The following ALK variants were observed in gnomAD, a reference collection of about 807,000 sequenced individuals.
ALK encodes the protein ALK tyrosine kinase receptor.
Under a neutral mutation model 163.1 loss-of-function variants are expected in ALK, and 74 were observed. That is an observed-to-expected ratio of 0.45 (90% confidence interval 0.38 to 0.55). The LOEUF (loss-of-function observed/expected upper bound fraction) is 0.55, where lower values mean the gene tolerates loss of function less well. Ranked by LOEUF, ALK falls within the 20% of genes least tolerant of loss-of-function variation. The pLI is 0.00. For missense variants in ALK, 2,063 were observed against 2,105.3 expected (o/e 0.98, Z 0.39); for synonymous variants, 960 against 843.2 (o/e 1.14, Z -2.40).
At chr2:29,328,217 G>T (rs1391696206) in intron 6 of ALK, 133 bp downstream of exon 6, 10 of 1,290,666 alleles carry the variant, frequency 7.7e-6, no homozygotes, top group African/African-American at 2.9e-5. Context: ...GTGTGGCTTT[G>T]CCATGAGAGG....
chr2:29,553,014 C>A (rs764168400), intron 3 of ALK, among the ~76,000 whole-genome samples: 165 of 152,290 alleles, frequency 1.1e-3, no homozygotes, highest in Non-Finnish European at 1.5e-3. Flanking sequence ...CCTGTTATTT[C>A]CCTTCTTTAT....
In ALK at chr2:29,383,508, G is replaced by A. The variant is rs1018038935; in HGVS notation, c.1282+224C>T. On this transcript the variant is annotated intron_variant, in intron 5 of 28. Coordinates refer to ENST00000389048, the MANE Select transcript of ALK (RefSeq NM_004304.5). ...ATTTTTGTAATTTTAGTAGAGACAG[G>A]GTTTTGCCATGTTGGCCAGGCTGGT... Among the ~76,000 whole-genome samples, 6 of 152,072 alleles carry A rather than the reference G, an allele frequency of 3.9e-5. No individual in the cohort carries two copies. The South Asian group carries it at 6.2e-4, about 16-fold the overall frequency.
chr2:29,676,112 T>C (rs936524210), intron 3 of ALK, among the ~76,000 whole-genome samples: 1 of 152,068 alleles, frequency 6.6e-6, no homozygotes, highest in Admixed American at 6.6e-5. Context: ...TTTTATGCAA[T>C]GTATGATTCA....
intron 11 of ALK, among the ~76,000 whole-genome samples, chr2:29,255,833 A>G (rs368873797): frequency 6.6e-6 from 1 of 152,090 alleles, no homozygotes; most frequent in Non-Finnish European, 1.5e-5. Context: ...TGTTTTATCT[A>G]TAGTGTCTCT....
intron 3 of ALK, among the ~76,000 whole-genome samples, chr2:29,535,986 C>G (rs1023602150): frequency 1.3e-5 from 2 of 152,180 alleles, no homozygotes; most frequent in Non-Finnish European, 2.9e-5. Context: ...TTCCTCTCTC[C>G]CGATTTACAC....
At chr2:29,853,638 G>T (rs991601513) in intron 1 of ALK, among the ~76,000 whole-genome samples, 2 of 152,176 alleles carry the variant, frequency 1.3e-5, no homozygotes, top group African/African-American at 2.4e-5. Context: ...ACTTAATTCA[G>T]ATCATGCCAT....
intron 26 of ALK, among the ~76,000 whole-genome samples, chr2:29,198,983 T>C (rs1046391849): frequency 6.6e-6 from 1 of 151,560 alleles, no homozygotes; most frequent in Non-Finnish European, 1.5e-5. Context: ...TTATGTAGTC[T>C]CACTCTGTTA....
At chr2:29,441,777 G>A (rs1670551884) in intron 4 of ALK, among the ~76,000 whole-genome samples, 1 of 152,156 alleles carries the variant, frequency 6.6e-6, no homozygotes, top group Non-Finnish European at 1.5e-5. Context: ...GAGCAACAAT[G>A]TCTTTCCAAA....
intron 2 of ALK, among the ~76,000 whole-genome samples, chr2:29,696,530 T>TAAAAAAAAAAAAAAAAAAAAAAAAAAAA (rs60320646): frequency 1.9e-5 from 2 of 103,850 alleles, no homozygotes; most frequent in Non-Finnish European, 2.0e-5. Flanking sequence ...CTTAAAGGAT[T>TAAAAAAAAAAAAAAAAAAAAAAAAAAAA]AAAAAAAAAA....
intron 3 of ALK, among the ~76,000 whole-genome samples, chr2:29,534,384 G>GAA (rs1558371982): frequency 6.6e-6 from 1 of 152,210 alleles, no homozygotes; most frequent in East Asian, 1.9e-4. Context: ...CCAGTACTAG[G>GAA]GTAGTGTGTA....
chr2:29,614,599 A>C (rs941352210), intron 3 of ALK, among the ~76,000 whole-genome samples: 3 of 152,196 alleles, frequency 2.0e-5, no homozygotes, highest in African/African-American at 7.2e-5. Context: ...ACTAAGCCCC[A>C]TGCTTGGGCA....
intron 1 of ALK, among the ~76,000 whole-genome samples, chr2:29,904,699 A>G (rs1667494481): frequency 1.3e-5 from 2 of 152,214 alleles, no homozygotes; most frequent in South Asian, 4.1e-4. Context: ...ATATTAGCTT[A>G]AGAATGTCTG....
rs773788274 is a variant in ALK at position 29,197,532 on chromosome 2, A to G, written c.4073+10T>C. The G allele has an allele frequency of 6.2e-7, 1 of 1,613,192 alleles. No individual in the cohort carries two copies. Among genetic ancestry groups the G allele is most frequent in the African/African-American group, 1.3e-5 (1 of 74,924 alleles). ...AGTAACTAGCAGAAGTGTTCCTAAA[A>G]GAGTCATACACAGGCCCAGGGCAGT... On this transcript the variant is annotated intron_variant, in intron 27 of 28. Transcript: ENST00000389048.
intron 1 of ALK, among the ~76,000 whole-genome samples, chr2:29,763,913 C>T (rs765624765): frequency 6.6e-6 from 1 of 152,102 alleles, no homozygotes; most frequent in African/African-American, 2.4e-5. Context: ...CTTCAGGGCC[C>T]CACACCAACT....
intron 1 of ALK, among the ~76,000 whole-genome samples, chr2:29,731,750 AT>A (rs573064187): frequency 8.3e-4 from 127 of 152,336 alleles, no homozygotes; most frequent in African/African-American, 3.0e-3. Context: ...GACAATAGCA[AT>A]TTGGCCCAAG....
At chr2:29,844,296 A>T (rs916343420) in intron 1 of ALK, among the ~76,000 whole-genome samples, 1 of 152,178 alleles carries the variant, frequency 6.6e-6, no homozygotes, top group African/African-American at 2.4e-5. Context: ...CCAGCAGCAG[A>T]TGGGGGCAGA....
In ALK at chr2:29,405,747, T is replaced by C. The variant is rs138207490; in HGVS notation, c.1155-21888A>G. On this transcript the variant is annotated intron_variant, in intron 4 of 28. Coordinates refer to ENST00000389048, the MANE Select transcript of ALK (RefSeq NM_004304.5). ...ACAAAAGGGATAAAAGGAAAACTAATGGAAATTTAAATACTTCTAGTTAAA... is the reference window on the plus strand; with the variant it reads ...ACAAAAGGGATAAAAGGAAAACTAACGGAAATTTAAATACTTCTAGTTAAA... Among the ~76,000 whole-genome samples the C allele has an allele frequency of 3.7e-3, 559 of 152,276 alleles. 3 individuals are homozygous for C. Among genetic ancestry groups the C allele is most frequent in the Non-Finnish European group, 6.0e-3 (408 of 68,028 alleles).
At chr2:29,917,473 T>C (rs1217754766) in intron 1 of ALK, among the ~76,000 whole-genome samples, 1 of 152,208 alleles carries the variant, frequency 6.6e-6, no homozygotes, top group African/African-American at 2.4e-5. Flanking sequence ...GAACCTAACC[T>C]TGAATTTTCA....
intron 1 of ALK, among the ~76,000 whole-genome samples, chr2:29,897,241 G>A (rs1667294402): frequency 6.6e-6 from 1 of 151,974 alleles, no homozygotes; most frequent in Admixed American, 6.6e-5. Flanking sequence ...AACCACCTGA[G>A]GTTGCAAGTG....
Sources: gnomAD v4.1 joint callset for allele counts (sites outside exome capture counted in the v4.1 genomes callset) on GRCh38, gnomAD v4.1.1 for gene constraint, MANE v1.5 for transcripts, NCBI Gene and HGNC (gene_info 2026-07-23, HGNC 2026-07-21) for gene names.